The following ANKS1B variants were observed in gnomAD, a reference collection of about 807,000 sequenced individuals.
The protein encoded by ANKS1B is ankyrin repeat and sterile alpha motif domain-containing protein 1B.
ANKS1B carries 36 observed loss-of-function variants against 148.3 expected under a neutral mutation model. The ratio of observed to expected loss-of-function variants is 0.24; its 90% confidence interval spans 0.19 to 0.32. The LOEUF is 0.32. Among genes scored for constraint, ANKS1B ranks in the 10% least tolerant of loss-of-function variants. The pLI is 1.00. For synonymous variants in ANKS1B, 542 were observed against 560.8 expected (o/e 0.97, Z 0.47); for missense variants, 1,157 against 1,542.6 (o/e 0.75, Z 4.19).
At chr12:99,240,456 T>C (rs2089060511) in intron 14 of ANKS1B, among the ~76,000 whole-genome samples, 1 of 152,056 alleles carries the variant, frequency 6.6e-6, no homozygotes, top group African/African-American at 2.4e-5. Flanking sequence ...TCCCATACAA[T>C]AATAATGATA....
At chr12:99,721,324 G>A (rs1225645767) in intron 8 of ANKS1B, among the ~76,000 whole-genome samples, 1 of 152,078 alleles carries the variant, frequency 6.6e-6, no homozygotes, top group African/African-American at 2.4e-5. Context: ...AAGAAGACAG[G>A]AACGTCAGGC....
At chr12:99,872,255 T>C (rs562511888) in intron 1 of ANKS1B, among the ~76,000 whole-genome samples, 2 of 152,106 alleles carry the variant, frequency 1.3e-5, no homozygotes, top group African/African-American at 2.4e-5. Flanking sequence ...TGTATGTGCA[T>C]GTGTGTGTAT....
At position 98,798,988 on chromosome 12, in the gene ANKS1B, C is replaced by T. The variant is rs1028790664; in HGVS notation, c.3288G>A (p.Leu1096=). 1 of 1,606,118 alleles carries T rather than the reference C, an allele frequency of 6.2e-7. No individual in the cohort carries two copies. The highest frequency in any genetic ancestry group is 1.3e-5 in the African/African-American group (1 of 74,560). ...DYKAFYLGSM[L]IKELRGTEST... Reference sequence around the variant, plus strand: ...ATTCTGTCCCCCTAAGCTCTTTTATCAGCATAGAACCTAAATACTAAAATA... The same window carrying T: ...ATTCTGTCCCCCTAAGCTCTTTTATTAGCATAGAACCTAAATACTAAAATA... Residue 1096 remains leucine (L), a synonymous_variant, in exon 22 of 27, where the codon CTG becomes CTA. Transcript: ENST00000683438.
chr12:99,564,768 C>T (rs894882989), intron 9 of ANKS1B, among the ~76,000 whole-genome samples: 2 of 152,100 alleles, frequency 1.3e-5, no homozygotes, highest in Non-Finnish European at 1.5e-5. Context: ...ACTGCAATCT[C>T]CTTGTTGCTA....
At chr12:99,790,547 T>C (rs886565004) in intron 4 of ANKS1B, among the ~76,000 whole-genome samples, 4 of 151,942 alleles carry the variant, frequency 2.6e-5, no homozygotes, top group Non-Finnish European at 5.9e-5. Flanking sequence ...ATGACTACAA[T>C]GAATTTTCAA....
At chr12:99,354,788 A>G (rs1237700880) in intron 12 of ANKS1B, among the ~76,000 whole-genome samples, 1 of 151,978 alleles carries the variant, frequency 6.6e-6, no homozygotes, top group African/African-American at 2.4e-5. Context: ...GACAGGGGAG[A>G]AAAAAACCAC....
intron 17 of ANKS1B, among the ~76,000 whole-genome samples, chr12:98,987,723 C>T (rs1017514441): frequency 1.3e-5 from 2 of 152,092 alleles, no homozygotes; most frequent in Non-Finnish European, 2.9e-5. Context: ...TTAGCTCTAA[C>T]AAGAGCTGTT....
chr12:99,101,205 T>A (rs2057859084), intron 15 of ANKS1B, among the ~76,000 whole-genome samples: 1 of 152,128 alleles, frequency 6.6e-6, no homozygotes, highest in Non-Finnish European at 1.5e-5. Flanking sequence ...GCAAGTTGTT[T>A]TATGCCTGGA....
chr12:99,777,739 C>T (rs763324135), intron 6 of ANKS1B, among the ~76,000 whole-genome samples: 1 of 151,958 alleles, frequency 6.6e-6, no homozygotes, highest in Non-Finnish European at 1.5e-5. Context: ...CGCCCACCAC[C>T]GCGCCCGGCT....
Position 99,453,106 on chromosome 12 carries a change from T to A in ANKS1B, c.1439-9297A>T, listed in dbSNP as rs138061180. Among the ~76,000 whole-genome samples the A allele has an allele frequency of 1.9e-3, 284 of 152,128 alleles. 1 individual carries two copies. Among genetic ancestry groups the A allele is most frequent in the Non-Finnish European group, 3.1e-3 (213 of 67,962 alleles). On this transcript the variant is annotated intron_variant, in intron 10 of 26. Transcript: ENST00000683438. ...GAGATCGAGACCATCCTGGCTAACA[T>A]GGTGAAACCCCGTCTCTACTAAAAA...
chr12:99,899,210 G>C (rs891546547), intron 1 of ANKS1B, among the ~76,000 whole-genome samples: 2 of 152,068 alleles, frequency 1.3e-5, no homozygotes, highest in African/African-American at 4.8e-5. Flanking sequence ...GAATTTAAAA[G>C]ATCAAAAAAC....
intron 8 of ANKS1B, among the ~76,000 whole-genome samples, chr12:99,707,933 G>A (rs1187273083): frequency 6.6e-6 from 1 of 152,120 alleles, no homozygotes; most frequent in Non-Finnish European, 1.5e-5. Context: ...TCCACATACA[G>A]CTGTGAATCA....
chr12:99,466,944 C>T (rs2096128674), intron 10 of ANKS1B, among the ~76,000 whole-genome samples: 1 of 152,118 alleles, frequency 6.6e-6, no homozygotes, highest in Non-Finnish European at 1.5e-5. Flanking sequence ...TTTTATGAGG[C>T]CAGAATCATC....
chr12:98,827,735 C>T (rs765342310), intron 19 of ANKS1B, among the ~76,000 whole-genome samples: 16 of 152,084 alleles, frequency 1.1e-4, no homozygotes, highest in Non-Finnish European at 1.2e-4. Flanking sequence ...TGCTATACTG[C>T]GGTTGACACA....
At chr12:99,389,509 T>G (rs1356655957) in intron 12 of ANKS1B, among the ~76,000 whole-genome samples, 1 of 152,248 alleles carries the variant, frequency 6.6e-6, no homozygotes, top group Non-Finnish European at 1.5e-5. Flanking sequence ...TACCGTAAGC[T>G]TTTCTCTCAC....
intron 26 of ANKS1B, among the ~76,000 whole-genome samples, chr12:98,750,027 G>C (rs989185711): frequency 2.0e-5 from 3 of 152,108 alleles, no homozygotes; most frequent in Non-Finnish European, 4.4e-5. Flanking sequence ...GGTGAGAGAA[G>C]AGCTTTGAGG....
chr12:99,929,259 T>A (rs569912988), intron 1 of ANKS1B, among the ~76,000 whole-genome samples: 1 of 152,252 alleles, frequency 6.6e-6, no homozygotes, highest in Non-Finnish European at 1.5e-5. Context: ...ACAGAGGGAT[T>A]TTTTTTCATG....
At chr12:99,675,190 G>C (rs1382835963) in intron 8 of ANKS1B, among the ~76,000 whole-genome samples, 1 of 151,848 alleles carries the variant, frequency 6.6e-6, no homozygotes, top group Non-Finnish European at 1.5e-5. Context: ...TCTTTAAAAA[G>C]TTTCTTCTCT....
intron 1 of ANKS1B, among the ~76,000 whole-genome samples, chr12:99,959,889 A>G (rs2095384838): frequency 6.6e-6 from 1 of 152,204 alleles, no homozygotes; most frequent in African/African-American, 2.4e-5. Flanking sequence ...TTTAAATAAC[A>G]TCATGCATCC....
Sources: allele counts gnomAD v4.1 joint callset (sites outside exome capture counted in the v4.1 genomes callset), GRCh38; gene constraint gnomAD v4.1.1; transcripts MANE v1.5; gene names NCBI Gene and HGNC (gene_info 2026-07-23, HGNC 2026-07-21).